Variants in STK3 observed in about 807,000 individuals in gnomAD.
STK3 encodes the protein serine/threonine kinase 3, also known as serine/threonine-protein kinase 3.
A neutral mutation model predicts 58.0 loss-of-function variants in STK3; 41 were observed. The observed-to-expected ratio is 0.71, with a 90% CI of 0.55 to 0.92. The LOEUF (loss-of-function observed/expected upper bound fraction) is 0.92. Ranked by LOEUF, STK3 falls within the 40% of genes least tolerant of loss-of-function variation. STK3 has a pLI of 0.00. For synonymous variants in STK3, 170 were observed against 191.0 expected (o/e 0.89, Z 0.91); for missense variants, 479 against 602.7 (o/e 0.79, Z 2.15).
At chr8:98,749,934 G>A (rs1829868596) in intron 3 of STK3, among the ~76,000 whole-genome samples, 1 of 152,032 alleles carries the variant, frequency 6.6e-6, no homozygotes, top group African/African-American at 2.4e-5. Flanking sequence ...GTCTTCCAGA[G>A]CAGAATAAAC....
At chr8:98,451,885 CAAA>C (rs754984734), downstream of STK3, among the ~76,000 whole-genome samples, 1 of 74,424 alleles carries the variant, frequency 1.3e-5, no homozygotes, top group Non-Finnish European at 2.7e-5. Flanking sequence ...TCTTTCAGGC[CAAA>C]AAAAAAAAAA....
chr8:98,804,320 T>C (rs1441101117), intron 1 of STK3, among the ~76,000 whole-genome samples: 1 of 152,198 alleles, frequency 6.6e-6, no homozygotes, highest in African/African-American at 2.4e-5. Flanking sequence ...ATTTTCTTAT[T>C]TAATCCCTAT....
chr8:98,783,678 G>A (rs1391985334), intron 1 of STK3, among the ~76,000 whole-genome samples: 2 of 152,284 alleles, frequency 1.3e-5, no homozygotes, highest in East Asian at 1.9e-4. Context: ...GCTGTTTGAT[G>A]CATCTTACTC....
At chr8:98,660,002 A>G (rs1821841682) in intron 6 of STK3, among the ~76,000 whole-genome samples, 1 of 151,972 alleles carries the variant, frequency 6.6e-6, no homozygotes. Context: ...AAGATAATCT[A>G]TACTAAAAAC....
intron 3 of STK3, among the ~76,000 whole-genome samples, chr8:98,417,989 A>G (rs1339140541): frequency 6.6e-6 from 1 of 152,106 alleles, no homozygotes; most frequent in African/African-American, 2.4e-5. Flanking sequence ...AGCTCACTGC[A>G]GCCTTGAACT....
intron 6 of STK3, among the ~76,000 whole-genome samples, chr8:98,617,179 C>T (rs1310020248): frequency 6.6e-5 from 10 of 151,662 alleles, no homozygotes; most frequent in African/African-American, 2.4e-4. Flanking sequence ...CGCTCAACTA[C>T]ATGGAAACTG....
chr8:98,772,118 G>A (rs1194799479), intron 2 of STK3, among the ~76,000 whole-genome samples: 1 of 152,020 alleles, frequency 6.6e-6, no homozygotes, highest in Non-Finnish European at 1.5e-5. Flanking sequence ...CCTTTTCATT[G>A]TTTTATAATT....
intron 6 of STK3, among the ~76,000 whole-genome samples, chr8:98,670,874 A>G: frequency 6.6e-6 from 1 of 152,114 alleles, no homozygotes; most frequent in East Asian, 1.9e-4. Flanking sequence ...TGTCAGTGAG[A>G]CCTCATTCTT....
chr8:98,684,719 C>T (rs962950559), intron 6 of STK3, among the ~76,000 whole-genome samples: 21 of 152,218 alleles, frequency 1.4e-4, no homozygotes, highest in African/African-American at 4.3e-4. Flanking sequence ...ACCATTATTA[C>T]GTAGCAACAA....
intron 1 of STK3, among the ~76,000 whole-genome samples, chr8:98,778,676 T>C (rs1432518786): frequency 1.3e-5 from 2 of 152,138 alleles, no homozygotes; most frequent in Non-Finnish European, 2.9e-5. Flanking sequence ...GTGGTACATA[T>C]ACACCATGGA....
At chr8:98,584,621 G>A (rs1297067270) in intron 7 of STK3, among the ~76,000 whole-genome samples, 2 of 149,170 alleles carry the variant, frequency 1.3e-5, no homozygotes, top group Non-Finnish European at 3.0e-5. Flanking sequence ...CCCAGTAATG[G>A]GATGGCTGGG....
chr8:98,926,170 G>T (rs1242751043), intron 1 of STK3, among the ~76,000 whole-genome samples: 1 of 152,134 alleles, frequency 6.6e-6, no homozygotes, highest in Non-Finnish European at 1.5e-5. Flanking sequence ...ACTTCAAATT[G>T]CGCCTGACCA....
intron 9 of STK3, among the ~76,000 whole-genome samples, chr8:98,530,414 G>C (rs1826085421): frequency 6.6e-6 from 1 of 152,128 alleles, no homozygotes; most frequent in Admixed American, 6.6e-5. Context: ...TGCGGTATTT[G>C]GTTTTCTAAA....
At chr8:98,919,811 C>T (rs1469849021) in intron 1 of STK3, among the ~76,000 whole-genome samples, 1 of 151,562 alleles carries the variant, frequency 6.6e-6, no homozygotes, top group Admixed American at 6.6e-5. Context: ...TTAGGAGCAG[C>T]AGCAGGTAGG....
intron 4 of STK3, among the ~76,000 whole-genome samples, chr8:98,747,884 T>C (rs1829744372): frequency 6.6e-6 from 1 of 152,198 alleles, no homozygotes; most frequent in Non-Finnish European, 1.5e-5. Context: ...ACATGCTCAG[T>C]GGACTGTGTC....
At chr8:98,421,038 T>C (rs1818167679) in intron 3 of STK3, among the ~76,000 whole-genome samples, 2 of 152,238 alleles carry the variant, frequency 1.3e-5, no homozygotes, top group South Asian at 2.1e-4. Context: ...TCATTTTCTC[T>C]GCCATCTTCA....
In STK3 at chr8:98,767,332, G is replaced by A. The variant is rs183946494; in HGVS notation, c.147C>T (p.Ser49=). ...CTTGTTTAATTGCGACAACTTGACC[G>A]GATTCCTTGTGTATTGCTTTAAATA... is the stretch of plus-strand genomic sequence containing the variant. ...GSVFKAIHKE[S]GQVVAIKQVP... Residue 49 remains serine, a synonymous_variant, in exon 3 of 11, where the codon TCC becomes TCT. Coordinates refer to ENST00000419617, the MANE Select transcript of STK3 (RefSeq NM_006281.4). The A allele has an allele frequency of 1.5e-4, 238 of 1,610,284 alleles. 1 individual carries two copies. In the African/African-American group the frequency reaches 1.7e-3, roughly 11 times the overall value.
upstream of STK3, chr8:98,825,725 C>G (rs1010428988): frequency 9.2e-6 from 9 of 982,268 alleles, no homozygotes; most frequent in African/African-American, 1.6e-4. Context: ...CCCGCCCCGC[C>G]CCGCCCCCGG....
chr8:98,594,491 T>G (rs1036447727), intron 7 of STK3, among the ~76,000 whole-genome samples: 1 of 151,666 alleles, frequency 6.6e-6, no homozygotes, highest in Admixed American at 6.6e-5. Flanking sequence ...TCCCAGCTAC[T>G]TGGGAGGCTA....
Sources: allele counts gnomAD v4.1 joint callset (sites outside exome capture counted in the v4.1 genomes callset), GRCh38; gene constraint gnomAD v4.1.1; transcripts MANE v1.5; gene names NCBI Gene and HGNC (gene_info 2026-07-23, HGNC 2026-07-21).